The following RRM2 variants were observed in gnomAD, a reference collection of about 807,000 sequenced individuals.
The protein encoded by RRM2 is ribonucleotide reductase regulatory subunit M2.
RRM2 carries 6 observed loss-of-function variants against 45.9 expected under a neutral mutation model. The ratio of observed to expected loss-of-function variants is 0.13; its 90% CI spans 0.07 to 0.26. RRM2 has a LOEUF of 0.26. Ranked by LOEUF, RRM2 falls within the 10% of genes least tolerant of loss-of-function variation. The pLI, the probability that RRM2 is intolerant of heterozygous loss-of-function variation, is 1.00. For synonymous variants in RRM2, 177 were observed against 173.0 expected, an observed-to-expected ratio of 1.02 and a Z score of -0.18; for missense variants, 343 against 489.5, an observed-to-expected ratio of 0.70 and a Z score of 2.82.
chr2:10,202,827 A>C (rs1219568173), intron 3 of RRM2, among the ~76,000 whole-genome samples: 2 of 151,618 alleles, frequency 1.3e-5, no homozygotes, highest in East Asian at 3.9e-4. Context: ...TCTGTGACTG[A>C]GCTCAAGCGA....
Position 10,124,607 on chromosome 2 carries a change from A to G in RRM2, c.436-110A>G, listed in dbSNP as rs72542796. 3.2e-3 allele frequency: 3,817 copies of G among 1,183,894 alleles called. 78 individuals are homozygous for G. The African/African-American group carries it at 0.05, about 16-fold the overall frequency. 73.3% of individuals were successfully genotyped at this position (1,183,894 alleles called of 1,614,324 possible). ...TTGTGACAAATTGGATGAAATATATATAGAAATAAACCTTATAATGGTACA... is the reference window on the plus strand; with the variant it reads ...TTGTGACAAATTGGATGAAATATATGTAGAAATAAACCTTATAATGGTACA... On this transcript the variant is annotated intron_variant, in intron 4 of 9. Transcript: ENST00000304567.
chr2:10,149,698 A>T (rs1663268650), intron 3 of RRM2, among the ~76,000 whole-genome samples: 1 of 152,172 alleles, frequency 6.6e-6, no homozygotes. Flanking sequence ...CGAGGACTAC[A>T]CCCAGTGCCA....
intron 3 of RRM2, among the ~76,000 whole-genome samples, chr2:10,200,405 C>G (rs895813290): frequency 1.9e-4 from 27 of 141,006 alleles, no homozygotes; most frequent in Non-Finnish European, 3.2e-4. Flanking sequence ...GGACTGCGCG[C>G]ACAAAATATG....
rs533577748 is a variant in RRM2 at position 10,171,681 on chromosome 2, C to T, written n.482+29306C>T. On this transcript the variant is annotated intron_variant and non_coding_transcript_variant, in intron 3 of 3. Transcript: ENST00000381786. This position sits in a 1 kb window ranked among gnomAD's most constrained non-coding sequence, Gnocchi z 4.1. The stretch of plus-strand genomic sequence containing the variant: ...GACGACACGGATGCCACCCCAGGAC[C>T]CCTGGCATAGGGAGCCGAGCAGGGC... Among the ~76,000 whole-genome samples, 1 of 152,222 alleles carries T rather than the reference C, an allele frequency of 6.6e-6. No homozygotes were observed. The highest frequency in any genetic ancestry group is 2.4e-5 in the African/African-American group (1 of 41,514).
At chr2:10,138,687 C>G (rs1220327444), upstream of RRM2, among the ~76,000 whole-genome samples, 1 of 152,226 alleles carries the variant, frequency 6.6e-6, no homozygotes, top group Non-Finnish European at 1.5e-5. Flanking sequence ...TCACTGCTCT[C>G]AGCCTCAGTT....
rs773031866 is a variant in RRM2 at position 10,127,237 on chromosome 2, T to C, written c.798+17T>C. 1.9e-6 allele frequency: 3 copies of C among 1,608,578 alleles called. No homozygotes were observed. Among genetic ancestry groups the C allele is most frequent in the South Asian group, 1.1e-5 (1 of 91,020 alleles). On this transcript the variant is annotated intron_variant, in intron 7 of 9. Transcript: ENST00000304567. The surrounding 1 kb of genome is among the most constrained non-coding windows in gnomAD (Gnocchi z 4.1). ...AGAGATGAGGTGAGTCTAAGTCAAATAATAGGGTGACCTAAACCCCAAACA... is the reference window on the plus strand; with the variant it reads ...AGAGATGAGGTGAGTCTAAGTCAAACAATAGGGTGACCTAAACCCCAAACA...
intron 3 of RRM2, among the ~76,000 whole-genome samples, chr2:10,196,392 G>A (rs970192592): frequency 3.3e-5 from 5 of 152,220 alleles, no homozygotes; most frequent in African/African-American, 7.2e-5. Context: ...AGTGGCATTA[G>A]GGATCGGCAG....
intron 3 of RRM2, among the ~76,000 whole-genome samples, chr2:10,148,191 A>G (rs1663232530): frequency 6.7e-6 from 1 of 148,446 alleles, no homozygotes; most frequent in Non-Finnish European, 1.5e-5. Flanking sequence ...GATACTAACA[A>G]CTCTCTCCTT....
Position 10,162,560 on chromosome 2 carries a change from T to C in RRM2, n.482+20185T>C, listed in dbSNP as rs369119960. 5.9e-5 allele frequency among the ~76,000 whole-genome samples: 9 copies of C among 152,278 alleles called. No homozygotes were observed. In the East Asian group the frequency reaches 1.5e-3, roughly 26 times the overall value. Reference sequence around the variant, plus strand: ...CAACAGCGATGCACCCGCTGTTTAGTGGGAAACCATCTTCCTTCATGAGGT... The same window carrying C: ...CAACAGCGATGCACCCGCTGTTTAGCGGGAAACCATCTTCCTTCATGAGGT... On this transcript the variant is annotated intron_variant and non_coding_transcript_variant, in intron 3 of 3. Transcript: ENST00000381786.
At chr2:10,155,294 T>C (rs759088835) in intron 3 of RRM2, 12 of 169,994 alleles carry the variant, frequency 7.1e-5, no homozygotes, top group South Asian at 3.8e-4. Flanking sequence ...AAGTATTTTG[T>C]ACATCTGAGT....
At chr2:10,168,614 C>T (rs1663729296) in intron 3 of RRM2, among the ~76,000 whole-genome samples, 1 of 152,234 alleles carries the variant, frequency 6.6e-6, no homozygotes, top group Non-Finnish European at 1.5e-5. Flanking sequence ...GGGTGGGTCT[C>T]ACACCACTCT....
upstream of RRM2, among the ~76,000 whole-genome samples, chr2:10,138,882 C>T (rs373224940): frequency 6.6e-6 from 1 of 152,112 alleles, no homozygotes; most frequent in East Asian, 2.0e-4. Context: ...CCAAGGTGGG[C>T]GGATCATTTG....
At chr2:10,203,341 G>A (rs962187848) in intron 3 of RRM2, among the ~76,000 whole-genome samples, 1 of 152,178 alleles carries the variant, frequency 6.6e-6, no homozygotes, top group African/African-American at 2.4e-5. Flanking sequence ...CACTAGCTGT[G>A]TGACCTCAAG....
intron 3 of RRM2, among the ~76,000 whole-genome samples, chr2:10,152,443 T>C (rs930929714): frequency 1.3e-5 from 2 of 151,878 alleles, no homozygotes; most frequent in Non-Finnish European, 2.9e-5. Context: ...CTGTTGCTTT[T>C]TTTTCTTTTA....
intron 3 of RRM2, among the ~76,000 whole-genome samples, chr2:10,194,666 T>C (rs1195753499): frequency 6.6e-6 from 1 of 152,244 alleles, no homozygotes; most frequent in East Asian, 1.9e-4. Flanking sequence ...AAGTTAGCAC[T>C]TGCTGCCTAA....
chr2:10,196,017 G>C (rs547340342), intron 3 of RRM2, among the ~76,000 whole-genome samples: 39 of 152,324 alleles, frequency 2.6e-4, no homozygotes, highest in African/African-American at 8.4e-4. Flanking sequence ...GCCGCCCAGG[G>C]ACCTGCCACT....
chr2:10,135,752 A>T (rs1662978361), downstream of RRM2, among the ~76,000 whole-genome samples: 1 of 152,214 alleles, frequency 6.6e-6, no homozygotes, highest in Non-Finnish European at 1.5e-5. Flanking sequence ...TAAAGCAAAA[A>T]GCCCATTAGA....
At chr2:10,196,434 G>T (rs1664414888) in intron 3 of RRM2, among the ~76,000 whole-genome samples, 1 of 152,212 alleles carries the variant, frequency 6.6e-6, no homozygotes, top group Admixed American at 6.5e-5. Context: ...CCAGACTGTG[G>T]CTGTTTCTGT....
chr2:10,183,985 G>A (rs1664111602), intron 3 of RRM2, among the ~76,000 whole-genome samples: 1 of 150,452 alleles, frequency 6.6e-6, no homozygotes, highest in Non-Finnish European at 1.5e-5. Context: ...CCCAGCTACT[G>A]GGGAGGCTGA....
Sources: allele counts gnomAD v4.1 joint callset (sites outside exome capture counted in the v4.1 genomes callset), GRCh38; gene constraint gnomAD v4.1.1; non-coding constraint Gnocchi (gnomAD v3.1); transcripts MANE v1.5; gene names NCBI Gene and HGNC (gene_info 2026-07-23, HGNC 2026-07-21).